The following PRKAR2B variants were observed in gnomAD, a reference collection of about 807,000 sequenced individuals.
PRKAR2B encodes the protein protein kinase cAMP-dependent type II regulatory subunit beta.
In PRKAR2B, 14 loss-of-function variants were observed where a neutral mutation model predicts 49.9. That is an observed-to-expected ratio of 0.28 (90% CI 0.19 to 0.44). The LOEUF is 0.44. Among genes scored for constraint, PRKAR2B ranks in the 20% least tolerant of loss-of-function variants. PRKAR2B has a pLI of 1.00. For missense variants in PRKAR2B, 393 were observed against 537.9 expected (o/e 0.73, Z 2.67); for synonymous variants, 196 against 197.7 (o/e 0.99, Z 0.07).
At chr7:107,088,998 G>A (rs980670841) in intron 2 of PRKAR2B, among the ~76,000 whole-genome samples, 3 of 151,684 alleles carry the variant, frequency 2.0e-5, no homozygotes, top group Admixed American at 1.3e-4. Flanking sequence ...GTAAAACCCC[G>A]TCTCTACTAA....
chr7:107,085,494 A>G (rs925200569), intron 2 of PRKAR2B, among the ~76,000 whole-genome samples: 1 of 152,190 alleles, frequency 6.6e-6, no homozygotes, highest in Non-Finnish European at 1.5e-5. Context: ...AAATTGATAA[A>G]TGCTTATGGT....
At chr7:107,062,289 A>G (rs899387143) in intron 1 of PRKAR2B, among the ~76,000 whole-genome samples, 8 of 152,244 alleles carry the variant, frequency 5.3e-5, no homozygotes, top group Non-Finnish European at 7.3e-5. Flanking sequence ...AGTTTTTTCA[A>G]TGAATATTAC....
Position 107,100,381 on chromosome 7 carries a change from C to A in PRKAR2B, c.344-21571C>A, listed in dbSNP as rs552607370. ...GCAGTTAGTAATTGTTTTGTTGTTC[C>A]CCTGTATGAAATAAATCATTTCTCT... On this transcript the variant is annotated intron_variant, in intron 2 of 10. Coordinates refer to ENST00000265717, the MANE Select transcript of PRKAR2B (RefSeq NM_002736.3). Among the ~76,000 whole-genome samples the A allele has an allele frequency of 4.6e-5, 7 of 152,170 alleles. No individual in the cohort carries two copies. In the East Asian group the frequency reaches 1.2e-3, roughly 25 times the overall value.
intron 1 of PRKAR2B, among the ~76,000 whole-genome samples, chr7:107,062,409 T>C (rs1295778131): frequency 6.6e-6 from 1 of 152,168 alleles, no homozygotes; most frequent in East Asian, 1.9e-4. Context: ...AATGGAGATA[T>C]ATATATTGTG....
chr7:107,057,954 C>A (rs1793947827), intron 1 of PRKAR2B, among the ~76,000 whole-genome samples: 1 of 151,540 alleles, frequency 6.6e-6, no homozygotes. Flanking sequence ...GTCTTTAAAT[C>A]TTTTAGTTAA....
rs554392979 is a variant in PRKAR2B, at chr7:107,127,448, G to A, written c.397-764G>A. ...GCCTCCTGCTAGTGAAAAGGGACTC[G>A]AGAGATAGCAAGCCACACTTACACA... On this transcript the variant is annotated intron_variant, in intron 3 of 10. Transcript: ENST00000265717. Among the ~76,000 whole-genome samples, 7 of 151,192 alleles carry A rather than the reference G, an allele frequency of 4.6e-5. No homozygotes were observed. In the East Asian group the frequency reaches 5.8e-4, roughly 12 times the overall value.
intron 2 of PRKAR2B, among the ~76,000 whole-genome samples, chr7:107,098,624 C>G (rs1225756912): frequency 2.0e-5 from 3 of 152,206 alleles, no homozygotes; most frequent in Non-Finnish European, 4.4e-5. Context: ...CTTTTCTGCT[C>G]TGGTTTCTCC....
intron 4 of PRKAR2B, among the ~76,000 whole-genome samples, chr7:107,138,472 G>T (rs930202929): frequency 3.3e-5 from 5 of 152,052 alleles, no homozygotes; most frequent in African/African-American, 1.2e-4. Flanking sequence ...GGAGTGCAGT[G>T]TAACAGTCAT....
chr7:107,115,575 T>C (rs1316057891), intron 2 of PRKAR2B, among the ~76,000 whole-genome samples: 10 of 152,136 alleles, frequency 6.6e-5, no homozygotes, highest in Non-Finnish European at 4.4e-5. Context: ...TCTGTAGACT[T>C]TTAAATTATG....
chr7:107,123,568 G>A (rs373556041), intron 3 of PRKAR2B, among the ~76,000 whole-genome samples: 4 of 152,328 alleles, frequency 2.6e-5, no homozygotes, highest in South Asian at 2.1e-4. Context: ...AAGACTTAGC[G>A]TAGTGTCTTT....
At chr7:107,076,115 G>A (rs981686067) in intron 2 of PRKAR2B, among the ~76,000 whole-genome samples, 1 of 151,864 alleles carries the variant, frequency 6.6e-6, no homozygotes, top group Non-Finnish European at 1.5e-5. Flanking sequence ...TTGATATTTT[G>A]CCACATTTGC....
At chr7:107,089,809 A>G (rs1392991907) in intron 2 of PRKAR2B, among the ~76,000 whole-genome samples, 1 of 152,236 alleles carries the variant, frequency 6.6e-6, no homozygotes, top group African/African-American at 2.4e-5. Context: ...CTCTACTAGC[A>G]CAGATAAGCA....
intron 1 of PRKAR2B, among the ~76,000 whole-genome samples, chr7:107,059,222 A>G (rs1310195252): frequency 6.6e-6 from 1 of 152,200 alleles, no homozygotes; most frequent in Non-Finnish European, 1.5e-5. Flanking sequence ...CAGGAGGCCA[A>G]GGTTGCAGTG....
intron 1 of PRKAR2B, chr7:107,067,224 G>A (rs1477514235): frequency 1.3e-5 from 2 of 152,136 alleles, no homozygotes; most frequent in African/African-American, 2.4e-5. Flanking sequence ...CTGAATCCCA[G>A]CCTTCTTCTC....
rs776592088 is a variant in PRKAR2B at position 107,146,314 on chromosome 7, A to G, written c.594A>G (p.Thr198=). ...ATCTACATATGTCCAACAGAGGCAC[A>G]TTTGATATTTATGTGAAATGTGATG... ...GDNFYVIDRG[T]FDIYVKCDGV... The change falls in exon 6 of 11, where the codon ACA becomes ACG. Residue 198 remains threonine (T), a synonymous_variant. Transcript: ENST00000265717. 4 of 1,613,894 alleles carry G rather than the reference A, an allele frequency of 2.5e-6. No individual in the cohort carries two copies. Among genetic ancestry groups the G allele is most frequent in the South Asian group, 1.1e-5 (1 of 91,014 alleles).
intron 8 of PRKAR2B, among the ~76,000 whole-genome samples, chr7:107,156,731 G>T (rs928944777): frequency 6.6e-6 from 1 of 151,916 alleles, no homozygotes; most frequent in Non-Finnish European, 1.5e-5. Context: ...GTGTGAACCC[G>T]GGAGGTGGAG....
At chr7:107,090,398 C>A (rs1320677183) in intron 2 of PRKAR2B, among the ~76,000 whole-genome samples, 2 of 152,224 alleles carry the variant, frequency 1.3e-5, no homozygotes, top group East Asian at 3.8e-4. Flanking sequence ...GGAAAGCATT[C>A]TAATTAGCCC....
chr7:107,100,957 G>C (rs1794950353), intron 2 of PRKAR2B, among the ~76,000 whole-genome samples: 1 of 147,248 alleles, frequency 6.8e-6, no homozygotes, highest in Non-Finnish European at 1.5e-5. Context: ...TGAAATCTTT[G>C]CTAAGTCTAA....
chr7:107,139,065 T>C (rs763016460), intron 4 of PRKAR2B, among the ~76,000 whole-genome samples: 2 of 152,216 alleles, frequency 1.3e-5, no homozygotes, highest in Non-Finnish European at 2.9e-5. Context: ...GCTCTTTTCC[T>C]AACATCCTAT....
Sources: gnomAD v4.1 joint callset for allele counts (sites outside exome capture counted in the v4.1 genomes callset) on GRCh38, gnomAD v4.1.1 for gene constraint, MANE v1.5 for transcripts, NCBI Gene and HGNC (gene_info 2026-07-23, HGNC 2026-07-21) for gene names.